CYRIB: variants seen among roughly 807,000 people sequenced by gnomAD.
CYRIB encodes the protein CYFIP related Rac1 interactor B, also known as CYFIP-related Rac1 interactor B.
In CYRIB, 8 loss-of-function variants were observed where a neutral mutation model predicts 44.2. The ratio of observed to expected loss-of-function variants is 0.18; its 90% confidence interval spans 0.11 to 0.33. The LOEUF is 0.33. Ranked by LOEUF, CYRIB falls within the 10% of genes least tolerant of loss-of-function variation. The pLI is 1.00. For missense variants in CYRIB, 185 were observed against 382.8 expected (o/e 0.48, Z 4.31); for synonymous variants, 131 against 127.2 (o/e 1.03, Z -0.20).
intron 4 of CYRIB, among the ~76,000 whole-genome samples, chr8:129,865,216 G>A (rs1017932187): frequency 1.3e-5 from 2 of 152,198 alleles, no homozygotes; most frequent in Admixed American, 1.3e-4. Flanking sequence ...TTTCTAGTAA[G>A]ATAAACTTTG....
chr8:129,849,421 T>TA, intron 9 of CYRIB, 52 bp from the exon 12 acceptor site: 1 of 1,542,750 alleles, frequency 6.5e-7, no homozygotes, highest in African/African-American at 1.4e-5. Context: ...AAATTCTTTT[T>TA]AAAAACACAC....
At chr8:129,843,712 C>T (rs1364491866) in intron 11 of CYRIB, among the ~76,000 whole-genome samples, 2 of 152,164 alleles carry the variant, frequency 1.3e-5, no homozygotes, top group Non-Finnish European at 2.9e-5. Context: ...AGGACTACAT[C>T]CTTTTCAGCA....
At chr8:130,001,218 C>T (rs1022303855) in intron 1 of CYRIB, among the ~76,000 whole-genome samples, 2 of 152,100 alleles carry the variant, frequency 1.3e-5, no homozygotes, top group Non-Finnish European at 2.9e-5. Flanking sequence ...TTTCTTCTGC[C>T]CCTGCCTCCC....
intron 1 of CYRIB, among the ~76,000 whole-genome samples, chr8:129,918,548 T>G (rs1281504359): frequency 6.6e-6 from 1 of 152,226 alleles, no homozygotes; most frequent in Non-Finnish European, 1.5e-5. Context: ...AACAGAAATT[T>G]AGAGAACAGG....
intron 1 of CYRIB, among the ~76,000 whole-genome samples, chr8:129,904,954 C>A (rs2074444003): frequency 6.6e-6 from 1 of 152,198 alleles, no homozygotes; most frequent in Admixed American, 6.5e-5. Flanking sequence ...AATGGTGCCA[C>A]TGCTATCAAC....
Position 129,869,150 on chromosome 8 carries a change from C to T in CYRIB, c.195+2225G>A, listed in dbSNP as rs528382761. ...CCTGTAATCCCAGCACTTTGGGAGG[C>T]GGAGGTGGGTGGATCACATGAGGTC... On this transcript the variant is annotated intron_variant, in intron 4 of 11. Coordinates refer to ENST00000519824, the Ensembl canonical transcript of CYRIB. Among the ~76,000 whole-genome samples, 10 of 151,248 alleles carry T rather than the reference C, an allele frequency of 6.6e-5. No individual in the cohort carries two copies. In the East Asian group the frequency reaches 9.7e-4, roughly 15 times the overall value.
intron 2 of CYRIB, among the ~76,000 whole-genome samples, chr8:129,962,811 A>T (rs2095323827): frequency 1.3e-5 from 2 of 152,208 alleles, no homozygotes; most frequent in Admixed American, 6.5e-5. Context: ...CACTGATTAA[A>T]AACCTACTAT....
intron 2 of CYRIB, among the ~76,000 whole-genome samples, chr8:129,883,359 T>A (rs1198085385): frequency 6.6e-6 from 1 of 151,750 alleles, no homozygotes; most frequent in African/African-American, 2.4e-5. Flanking sequence ...GGGGGCAAAA[T>A]CACCCGACTG....
At chr8:129,846,257 CAG>C (rs2039928737) in intron 11 of CYRIB, among the ~76,000 whole-genome samples, 1 of 152,200 alleles carries the variant, frequency 6.6e-6, no homozygotes, top group African/African-American at 2.4e-5. Flanking sequence ...ATAAAAATAA[CAG>C]AACACAAGTC....
intron 2 of CYRIB, among the ~76,000 whole-genome samples, chr8:129,962,943 A>G (rs1054473300): frequency 2.0e-5 from 3 of 152,134 alleles, no homozygotes; most frequent in Non-Finnish European, 2.9e-5. Flanking sequence ...GCTGCACCCA[A>G]TCTCCCTCAG....
intron 2 of CYRIB, among the ~76,000 whole-genome samples, chr8:129,968,272 C>T (rs1346057596): frequency 6.6e-6 from 1 of 152,230 alleles, no homozygotes; most frequent in African/African-American, 2.4e-5. Context: ...TATGTCTAAT[C>T]TGTCATTTAA....
intron 2 of CYRIB, among the ~76,000 whole-genome samples, chr8:129,886,652 G>A (rs924044464): frequency 2.0e-5 from 3 of 151,986 alleles, no homozygotes; most frequent in Non-Finnish European, 4.4e-5. Context: ...AACTGCACTG[G>A]GAAGGCCATC....
Position 129,951,682 on chromosome 8 carries a change from G to T in CYRIB, c.-243+19261C>A, listed in dbSNP as rs555590145. The stretch of plus-strand genomic sequence containing the variant: ...GATTGTGCCACTGCACTCCAGCCTG[G>T]GTAACAGAGCGAGACTCCATCTCAA... On this transcript the variant is annotated intron_variant, in intron 2 of 14. Coordinates refer to the CYRIB transcript ENST00000401979. Among the ~76,000 whole-genome samples, 16 of 150,516 alleles carry T rather than the reference G, an allele frequency of 1.1e-4. No homozygotes were observed. The South Asian group carries it at 3.2e-3, about 30-fold the overall frequency.
intron 1 of CYRIB, among the ~76,000 whole-genome samples, chr8:130,013,734 C>G (rs1044725939): frequency 6.6e-6 from 1 of 152,152 alleles, no homozygotes; most frequent in Non-Finnish European, 1.5e-5. Flanking sequence ...TCTCTGGATC[C>G]TGATATAAGA....
At chr8:129,893,923 T>C (rs751387219) in intron 2 of CYRIB, among the ~76,000 whole-genome samples, 20 of 152,088 alleles carry the variant, frequency 1.3e-4, no homozygotes, top group Non-Finnish European at 2.4e-4. Context: ...CAATACAGTA[T>C]TGTTCTGCTT....
intron 1 of CYRIB, among the ~76,000 whole-genome samples, chr8:130,010,939 C>A (rs975641515): frequency 1.3e-5 from 2 of 152,138 alleles, no homozygotes; most frequent in African/African-American, 4.8e-5. Context: ...TCAGAACCTC[C>A]GAGGCAATCC....
At chr8:129,897,922 C>G (rs2068932340) in intron 2 of CYRIB, among the ~76,000 whole-genome samples, 1 of 151,868 alleles carries the variant, frequency 6.6e-6, no homozygotes. Context: ...TTTGCCAATA[C>G]GCCCGGCTGA....
rs996780186 is a variant in CYRIB, at chr8:129,945,716, G to A, written c.-243+25227C>T. Among the ~76,000 whole-genome samples the A allele has an allele frequency of 2.0e-5, 3 of 152,138 alleles. No homozygotes were observed. The East Asian group carries it at 5.8e-4, about 29-fold the overall frequency. On this transcript the variant is annotated intron_variant, in intron 2 of 14. Transcript: ENST00000401979. The stretch of plus-strand genomic sequence containing the variant: ...CCTGAGTGAGTAGCTGAGATTACAG[G>A]CATGAGCCACCACACCTGGCTAATT...
intron 1 of CYRIB, among the ~76,000 whole-genome samples, chr8:129,987,389 C>A (rs117494917): frequency 6.6e-6 from 1 of 152,026 alleles, no homozygotes; most frequent in East Asian, 1.9e-4. Flanking sequence ...CACTTCCTAC[C>A]CTGGCTACCA....
Sources: allele counts gnomAD v4.1 joint callset (sites outside exome capture counted in the v4.1 genomes callset), GRCh38; gene constraint gnomAD v4.1.1; transcripts MANE v1.5; gene names NCBI Gene and HGNC (gene_info 2026-07-23, HGNC 2026-07-21).